The following IMP4 variants were observed in gnomAD, a reference collection of about 807,000 sequenced individuals.
IMP4 encodes IMP U3 small nucleolar ribonucleoprotein 4, also known as U3 small nucleolar ribonucleoprotein IMP4.
A neutral mutation model predicts 42.7 loss-of-function variants in IMP4; 30 were observed. The ratio of observed to expected loss-of-function variants is 0.70; its 90% CI spans 0.53 to 0.95. IMP4 has a LOEUF of 0.95. IMP4 is among the 40% of genes least tolerant of loss of function. The pLI, the probability that IMP4 is intolerant of heterozygous loss-of-function variation, is 0.00. For missense variants in IMP4, 382 were observed against 411.4 expected, an observed-to-expected ratio of 0.93 and a Z score of 0.62; for synonymous variants, 165 against 165.2, an observed-to-expected ratio of 1.00 and a Z score of 0.01.
chr2:130,344,806 C>T (rs1215328005), intron 3 of IMP4, 94 bp downstream of exon 3: 9 of 841,540 alleles, frequency 1.1e-5, no homozygotes, highest in Non-Finnish European at 1.6e-5. Flanking sequence ...GAGGAAACTG[C>T]TCCTGGAACT....
At chr2:130,346,302 G>A (rs768337528) in intron 8 of IMP4, 28 bp downstream of exon 8, 3 of 1,612,170 alleles carry the variant, frequency 1.9e-6, no homozygotes, top group African/African-American at 2.7e-5. Context: ...TCCCGTGTCT[G>A]GGGTGGGGAG....
intron 2 of IMP4, chr2:130,343,399 C>T: frequency 1.4e-6 from 1 of 713,622 alleles, no homozygotes; most frequent in Non-Finnish European, 2.6e-6. Flanking sequence ...GCAGCTTGCC[C>T]GCTGTGTGCA....
At chr2:130,344,595 T>C in intron 2 of IMP4, 34 bp from the exon 3 acceptor site, 1 of 1,438,462 alleles carries the variant, frequency 7.0e-7, no homozygotes, top group Non-Finnish European at 9.8e-7. Flanking sequence ...TCCATGCTTG[T>C]GACTCACTCA....
chr2:130,345,639 G>T lies in IMP4; in HGVS notation c.379G>T (p.Ala127Ser), dbSNP rs758833241. The T allele has an allele frequency of 2.1e-5, 34 of 1,613,986 alleles. No homozygotes were observed. Among genetic ancestry groups the T allele is most frequent in the Non-Finnish European group, 2.6e-5 (31 of 1,180,046 alleles). Residue 127 changes from alanine (A) to serine (S), a missense_variant, in exon 5 of 9, where the codon GCC (alanine) becomes TCC (serine). Physicochemically the swap from Ala to Ser is moderately conservative, Grantham distance 99. Coordinates refer to ENST00000259239, the MANE Select transcript of IMP4 (RefSeq NM_033416.3). This position sits in a 1 kb window ranked among gnomAD's most constrained non-coding sequence, Gnocchi z 4.9. ...GRHEVGALVR[A>S]CKANGVTDLL... The stretch of plus-strand genomic sequence containing the variant: ...ACATGAAGTGGGGGCACTGGTGCGA[G>T]CCTGCAAAGCCAACGGCGTCACCGA...
At position 130,345,001 on chromosome 2, in the gene IMP4, C is replaced by T. The variant is rs1421816207; in HGVS notation, c.196+289C>T. On this transcript the variant is annotated intron_variant, in intron 3 of 8. Coordinates refer to ENST00000259239, the MANE Select transcript of IMP4 (RefSeq NM_033416.3). The surrounding 1 kb of genome is among the most constrained non-coding windows in gnomAD (Gnocchi z 4.9). ...CCCTCACACATTATTGGTGCCCATA[C>T]GTTTATTCACTGCATTATTCAAGAA... 3.2e-5 allele frequency: 18 copies of T among 563,038 alleles called. No individual in the cohort carries two copies. Among genetic ancestry groups the T allele is most frequent in the East Asian group, 5.9e-5 (2 of 33,998 alleles). 34.9% of individuals were successfully genotyped at this position (563,038 alleles called of 1,614,324 possible).
At position 130,343,073 on chromosome 2, in the gene IMP4, G is replaced by A; in HGVS notation, c.4-13G>A. 1.9e-6 allele frequency: 3 copies of A among 1,585,092 alleles called. No homozygotes were observed. The highest frequency in any genetic ancestry group is 1.1e-5 in the South Asian group (1 of 88,762). ...GAGCGAGTAGTGAGTGACTGGGCCT[G>A]CTGTTCCCACAGCTGCGCCGCGAGG... On this transcript the variant is annotated splice_polypyrimidine_tract_variant and intron_variant, in intron 1 of 8. Coordinates refer to ENST00000259239, the MANE Select transcript of IMP4 (RefSeq NM_033416.3).
rs778337775 is a variant in IMP4, at chr2:130,345,757, G to A, written c.440-22G>A. On this transcript the variant is annotated intron_variant, in intron 5 of 8. Coordinates refer to ENST00000259239, the MANE Select transcript of IMP4 (RefSeq NM_033416.3). The surrounding 1 kb of genome is among the most constrained non-coding windows in gnomAD (Gnocchi z 4.9). ...CCGTCTGAGGGCAGACGGGGTCTCTGACAGCCACCTTTCCCCGCCAGTGGG... is the reference window on the plus strand; with the variant it reads ...CCGTCTGAGGGCAGACGGGGTCTCTAACAGCCACCTTTCCCCGCCAGTGGG... The A allele has an allele frequency of 1.1e-5, 17 of 1,612,564 alleles. No homozygotes were observed. In the Middle Eastern group the frequency reaches 8.2e-4, roughly 78 times the overall value.
chr2:130,344,195 G>A (rs1188251708), intron 2 of IMP4, among the ~76,000 whole-genome samples: 1 of 152,148 alleles, frequency 6.6e-6, no homozygotes, highest in Non-Finnish European at 1.5e-5. Flanking sequence ...GGGCGCCGTG[G>A]CGGGCTCCTG....
At position 130,345,010 on chromosome 2, in the gene IMP4, A is replaced by T. The variant is rs780060366; in HGVS notation, c.196+298A>T. The T allele has an allele frequency of 3.6e-6, 2 of 559,390 alleles. No homozygotes were observed. Among genetic ancestry groups the T allele is most frequent in the African/African-American group, 3.8e-5 (2 of 53,196 alleles). The allele number at this position is 559,390 out of a possible 1,614,324, so 34.7% of individuals were successfully genotyped here. On this transcript the variant is annotated intron_variant, in intron 3 of 8. Coordinates refer to ENST00000259239, the MANE Select transcript of IMP4 (RefSeq NM_033416.3). This position sits in a 1 kb window ranked among gnomAD's most constrained non-coding sequence, Gnocchi z 4.9. ...ATTATTGGTGCCCATACGTTTATTC[A>T]CTGCATTATTCAAGAAACAAGAAAG... is the stretch of plus-strand genomic sequence containing the variant.
At position 130,345,946 on chromosome 2, in the gene IMP4, G is replaced by A. The variant is rs1679524513; in HGVS notation, c.594+13G>A. 2 of 1,614,102 alleles carry A rather than the reference G, an allele frequency of 1.2e-6. No homozygotes were observed. Among genetic ancestry groups the A allele is most frequent in the Admixed American group, 1.7e-5 (1 of 60,014 alleles). Reference sequence around the variant, plus strand: ...CCTGGGCAAGCGGGTGAGTCTGGGGGCCTTCAGGCTGGGGCTGCGGGCCAG... The same window carrying A: ...CCTGGGCAAGCGGGTGAGTCTGGGGACCTTCAGGCTGGGGCTGCGGGCCAG... On this transcript the variant is annotated intron_variant, in intron 6 of 8. Transcript: ENST00000259239. This position sits in a 1 kb window ranked among gnomAD's most constrained non-coding sequence, Gnocchi z 4.9.
At position 130,345,231 on chromosome 2, in the gene IMP4, G is replaced by GCTGCCCT; in HGVS notation, c.197-142_197-136dup. 1 of 659,442 alleles carries GCTGCCCT rather than the reference G, an allele frequency of 1.5e-6. No homozygotes were observed. The highest frequency in any genetic ancestry group is 2.8e-6 in the Non-Finnish European group (1 of 362,448). 40.8% of individuals were successfully genotyped at this position (659,442 alleles called of 1,614,324 possible). Reference sequence around the variant, plus strand: ...TGCTCAGCAGCCAGAGTAGTTGGAGGCTGCCCTCTTGCCCGGTGTGCATGT... The same window carrying GCTGCCCT: ...TGCTCAGCAGCCAGAGTAGTTGGAGGCTGCCCTCTGCCCTCTTGCCCGGTGTGCATGT... On this transcript the variant is annotated intron_variant, in intron 3 of 8. Transcript: ENST00000259239. This position sits in a 1 kb window ranked among gnomAD's most constrained non-coding sequence, Gnocchi z 4.9.
Position 130,346,403 on chromosome 2 carries a change from G to C in IMP4, c.811G>C (p.Val271Leu), listed in dbSNP as rs775933151. 6.3e-7 allele frequency: 1 copy of C among 1,576,814 alleles called. No individual in the cohort carries two copies. Among genetic ancestry groups the C allele is most frequent in the African/African-American group, 1.3e-5 (1 of 74,512 alleles). The change falls in exon 9 of 9, where the codon GTG (valine) becomes CTG (leucine). Residue 271 changes from valine (V) to leucine (L), a missense_variant. Transcript: ENST00000259239. ...GCTGGAGCAGGAGGCCACAGCAGAC[G>C]TGGAGTGGCGCTGGCACCCTTACAC... is the stretch of plus-strand genomic sequence containing the variant. Reference protein sequence around the residue: ...GTLEQEATADVEWRWHPYTNT... With the variant: ...GTLEQEATADLEWRWHPYTNT...
chr2:130,344,467 C>T (rs1031830536), intron 2 of IMP4, among the ~76,000 whole-genome samples, 162 bp from the exon 3 acceptor site: 2 of 152,182 alleles, frequency 1.3e-5, no homozygotes, highest in African/African-American at 4.8e-5. Context: ...GGGGGTTGGC[C>T]TGTAGAAAGT....
In IMP4 at chr2:130,345,504, T is replaced by C. The variant is rs1679464615; in HGVS notation, c.306+19T>C. On this transcript the variant is annotated intron_variant, in intron 4 of 8. Transcript: ENST00000259239. The surrounding 1 kb of genome is among the most constrained non-coding windows in gnomAD (Gnocchi z 4.9). Reference sequence around the variant, plus strand: ...TGCAAAGGTACTGGTGAGCAGGGAGTGAGGGAGAGACACCCAGGACACACA... The same window carrying C: ...TGCAAAGGTACTGGTGAGCAGGGAGCGAGGGAGAGACACCCAGGACACACA... 1 of 1,612,482 alleles carries C rather than the reference T, an allele frequency of 6.2e-7. No individual in the cohort carries two copies. Among genetic ancestry groups the C allele is most frequent in the Non-Finnish European group, 8.5e-7 (1 of 1,179,666 alleles).
Position 130,345,047 on chromosome 2 carries a change from A to G in IMP4, c.197-329A>G, listed in dbSNP as rs1463439923. The G allele has an allele frequency of 6.2e-5, 34 of 552,062 alleles. No individual in the cohort carries two copies. The highest frequency in any genetic ancestry group is 5.2e-4 in the East Asian group (17 of 32,818). The allele number at this position is 552,062 out of a possible 1,614,324, so 34.2% of individuals were successfully genotyped here. A position where few individuals can be genotyped will look rare whatever the true frequency, so the allele number is the denominator to read the frequency against. ...AAGAAACAAGAAAGGAATCCCAAAC[A>G]TTATAGATATTTGTTACGAGGGAAA... is the stretch of plus-strand genomic sequence containing the variant. On this transcript the variant is annotated intron_variant, in intron 3 of 8. Coordinates refer to ENST00000259239, the MANE Select transcript of IMP4 (RefSeq NM_033416.3). This position sits in a 1 kb window ranked among gnomAD's most constrained non-coding sequence, Gnocchi z 4.9.
In IMP4 at chr2:130,342,910, C is replaced by A. The variant is rs758469191; in HGVS notation, c.-23C>A. ...GGAGGAGCCCACAGATTCTCCCGGA[C>A]CCACGTGGAAGCGGCACTCAAGATG... On this transcript the variant is annotated 5_prime_UTR_variant, in exon 1 of 9. Coordinates refer to ENST00000259239, the MANE Select transcript of IMP4 (RefSeq NM_033416.3). 8.7e-6 allele frequency: 14 copies of A among 1,613,874 alleles called. No individual in the cohort carries two copies. Among genetic ancestry groups the A allele is most frequent in the Middle Eastern group, 1.6e-4 (1 of 6,084 alleles).
chr2:130,345,021 C>T lies in IMP4; in HGVS notation c.196+309C>T. On this transcript the variant is annotated intron_variant, in intron 3 of 8. Transcript: ENST00000259239. The surrounding 1 kb of genome is among the most constrained non-coding windows in gnomAD (Gnocchi z 4.9). ...CCATACGTTTATTCACTGCATTATT[C>T]AAGAAACAAGAAAGGAATCCCAAAC... The T allele has an allele frequency of 1.8e-6, 1 of 553,480 alleles. No homozygotes were observed. The highest frequency in any genetic ancestry group is 3.0e-5 in the East Asian group (1 of 33,076). The allele number at this position is 553,480 out of a possible 1,614,324, so 34.3% of individuals were successfully genotyped here.
At chr2:130,343,287 G>A in intron 2 of IMP4, 93 bp downstream of exon 2, 1 of 944,252 alleles carries the variant, frequency 1.1e-6, no homozygotes, top group Non-Finnish European at 1.7e-6. Context: ...ATGCTTGCCG[G>A]CCGTTTTCCT....
Position 130,345,145 on chromosome 2 carries a change from G to C in IMP4, c.197-231G>C. On this transcript the variant is annotated intron_variant, in intron 3 of 8. Transcript: ENST00000259239. The surrounding 1 kb of genome is among the most constrained non-coding windows in gnomAD (Gnocchi z 4.9). ...ATGGAGTAGCTGCTTAGCCCCATGTGACTAATATAGCTTAAGCAAACTACA... is the reference window on the plus strand; with the variant it reads ...ATGGAGTAGCTGCTTAGCCCCATGTCACTAATATAGCTTAAGCAAACTACA... 1 of 589,784 alleles carries C rather than the reference G, an allele frequency of 1.7e-6. No individual in the cohort carries two copies. The allele number at this position is 589,784 out of a possible 1,614,324, so 36.5% of individuals were successfully genotyped here. A position where few individuals can be genotyped will look rare whatever the true frequency, so the allele number is the denominator to read the frequency against.
Sources: allele counts gnomAD v4.1 joint callset (sites outside exome capture counted in the v4.1 genomes callset), GRCh38; gene constraint gnomAD v4.1.1; non-coding constraint Gnocchi (gnomAD v3.1); transcripts MANE v1.5; gene names NCBI Gene and HGNC (gene_info 2026-07-23, HGNC 2026-07-21).